SSTR2: variants seen among roughly 807,000 people sequenced by gnomAD.
SSTR2 encodes somatostatin receptor 2, also known as somatostatin receptor type 2.
A neutral mutation model predicts 21.4 loss-of-function variants in SSTR2; 10 were observed. That is an observed-to-expected ratio of 0.47 (90% CI 0.29 to 0.79). The LOEUF is 0.79. Ranked by LOEUF, SSTR2 falls within the 30% of genes least tolerant of loss-of-function variation. The probability of loss-of-function intolerance (pLI) is 0.10; values close to 1 mark genes in which losing one functional copy is unlikely to be tolerated. For synonymous variants in SSTR2, 177 were observed against 181.3 expected (o/e 0.98, Z 0.19); for missense variants, 364 against 468.8 (o/e 0.78, Z 2.06).
rs746122592 is a variant in SSTR2, at chr17:73,169,461, T to C, written c.142T>C (p.Phe48Leu). 6.2e-7 allele frequency: 1 copy of C among 1,614,228 alleles called. No individual in the cohort carries two copies. The highest frequency in any genetic ancestry group is 1.1e-5 in the South Asian group (1 of 91,080). The change falls in exon 2 of 2, where the codon TTC becomes CTC. Residue 48 changes from phenylalanine (F) to leucine (L), a missense_variant. By Grantham distance (22) the Phe-to-Leu change is conservative (BLOSUM62 0). Coordinates refer to ENST00000357585, the MANE Select transcript of SSTR2 (RefSeq NM_001050.3). The surrounding 1 kb of genome is among the most constrained non-coding windows in gnomAD (Gnocchi z 5.2). ...CCTGACAAGCAATGCAGTCCTCACA[T>C]TCATCTATTTTGTGGTCTGCATCAT... ...YDLTSNAVLT[F>L]IYFVVCIIGL...
chr17:73,167,416 G>A (rs979985222), intron 1 of SSTR2, among the ~76,000 whole-genome samples: 1 of 152,166 alleles, frequency 6.6e-6, no homozygotes, highest in Non-Finnish European at 1.5e-5. Flanking sequence ...AGTACTTGTT[G>A]CTGGCCAAGT....
chr17:73,165,730 G>C (rs2061213928), intron 1 of SSTR2, among the ~76,000 whole-genome samples: 2 of 151,820 alleles, frequency 1.3e-5, no homozygotes, highest in Non-Finnish European at 2.9e-5. Context: ...GAGCCTGCCA[G>C]AGGCAGGCGG....
rs767027407 is a variant in SSTR2, at chr17:73,172,440, C to T, written c.*2011C>T. 6.6e-6 allele frequency: 1 copy of T among 152,140 alleles called. No homozygotes were observed. Among genetic ancestry groups the T allele is most frequent in the Non-Finnish European group, 1.5e-5 (1 of 68,038 alleles). 9.4% of individuals were successfully genotyped at this position (152,140 alleles called of 1,614,324 possible). A position where few individuals can be genotyped will look rare whatever the true frequency, so the allele number is the denominator to read the frequency against. ...GGCTCCCTAAGCAAGCGCTGTTGGC[C>T]GGTGGGAGTGACTAAGTGCTCCACC... On this transcript the variant is annotated 3_prime_UTR_variant, in exon 2 of 2. Transcript: ENST00000357585.
Position 73,170,912 on chromosome 17 carries a change from G to T in SSTR2, c.*483G>T. 2.7e-6 allele frequency: 1 copy of T among 373,774 alleles called. No homozygotes were observed. The allele number at this position is 373,774 out of a possible 1,614,324, so 23.2% of individuals were successfully genotyped here. A position where few individuals can be genotyped will look rare whatever the true frequency, so the allele number is the denominator to read the frequency against. On this transcript the variant is annotated 3_prime_UTR_variant, in exon 2 of 2. Transcript: ENST00000357585. ...CATTTGCCACAACACACTGCCCGCA[G>T]AAATGGACTTACCGTGAAGCCAATA... is the stretch of plus-strand genomic sequence containing the variant.
rs747625490 is a variant in SSTR2, at chr17:73,168,705, T to G, written c.-92-523T>G. Among the ~76,000 whole-genome samples, 63 of 151,996 alleles carry G rather than the reference T, an allele frequency of 4.1e-4. 1 individual carries two copies. The highest frequency in any genetic ancestry group is 3.4e-3 in the Middle Eastern group (1 of 294). On this transcript the variant is annotated intron_variant, in intron 1 of 1. Coordinates refer to ENST00000357585, the MANE Select transcript of SSTR2 (RefSeq NM_001050.3). ...ACGCCCCCATGTGAAGAAATAAGAG[T>G]CAGAACCATTAAGGACCAGGCATGT...
chr17:73,168,855 T>C (rs2061224486), intron 1 of SSTR2, among the ~76,000 whole-genome samples: 1 of 152,128 alleles, frequency 6.6e-6, no homozygotes, highest in Non-Finnish European at 1.5e-5. Flanking sequence ...GATTTCCTGG[T>C]AGGGAAGAGG....
rs2061225660 is a variant in SSTR2 at position 73,169,210 on chromosome 17, TTCC to T, written c.-92-15_-92-13del. 7.4e-7 allele frequency: 1 copy of T among 1,350,908 alleles called. No homozygotes were observed. The highest frequency in any genetic ancestry group is 9.9e-7 in the Non-Finnish European group (1 of 1,013,956). 83.7% of individuals were successfully genotyped at this position (1,350,908 alleles called of 1,614,324 possible). A position where few individuals can be genotyped will look rare whatever the true frequency, so the allele number is the denominator to read the frequency against. On this transcript the variant is annotated splice_polypyrimidine_tract_variant and intron_variant, in intron 1 of 1. Transcript: ENST00000357585. This position sits in a 1 kb window ranked among gnomAD's most constrained non-coding sequence, Gnocchi z 5.2. Reference sequence around the variant, plus strand: ...ACAGCCTGTGACCGACGGGCCAATCTTCCTCTTTTCCTTCCAGATGTCACACTG... The same window carrying T: ...ACAGCCTGTGACCGACGGGCCAATCTTCTTTTCCTTCCAGATGTCACACTG...
At chr17:73,165,954 C>A (rs1175893737) in intron 1 of SSTR2, among the ~76,000 whole-genome samples, 2 of 148,006 alleles carry the variant, frequency 1.4e-5, no homozygotes, top group African/African-American at 2.5e-5. Flanking sequence ...CCCCCCCCCA[C>A]ACCCGGCACC....
At chr17:73,166,661 A>G (rs1370576435) in intron 1 of SSTR2, among the ~76,000 whole-genome samples, 1 of 152,198 alleles carries the variant, frequency 6.6e-6, no homozygotes, top group East Asian at 1.9e-4. Context: ...TCTTTCTCTG[A>G]AACAAAAATG....
chr17:73,168,314 G>A (rs529356188), intron 1 of SSTR2, among the ~76,000 whole-genome samples: 6 of 152,300 alleles, frequency 3.9e-5, no homozygotes, highest in African/African-American at 9.6e-5. Flanking sequence ...CCTGCTTCCC[G>A]TTTTTGTCCG....
Position 73,175,950 on chromosome 17 carries a change from A to G in SSTR2, c.*5521A>G, listed in dbSNP as rs1227407895. 6.6e-6 allele frequency: 1 copy of G among 152,170 alleles called. No individual in the cohort carries two copies. The highest frequency in any genetic ancestry group is 1.5e-5 in the Non-Finnish European group (1 of 68,094). The allele number at this position is 152,170 out of a possible 1,614,324, so 9.4% of individuals were successfully genotyped here. On this transcript the variant is annotated 3_prime_UTR_variant, in exon 2 of 2. Transcript: ENST00000357585. ...AGACAGAAAGGGAAGCCCAGGATGA[A>G]CCCAGTCCTAAGGGCTGCTGGGGGC...
Position 73,169,882 on chromosome 17 carries a change from G to T in SSTR2, c.563G>T (p.Trp188Leu). 1.9e-6 allele frequency: 3 copies of T among 1,611,912 alleles called. No homozygotes were observed. The highest frequency in any genetic ancestry group is 2.5e-6 in the Non-Finnish European group (3 of 1,178,260). ...TATGCTGGGCTCCGGAGCAACCAGT[G>T]GGGGAGAAGCAGCTGCACCATCAAC... Reference protein sequence around the residue: ...MIYAGLRSNQWGRSSCTINWP... With the variant: ...MIYAGLRSNQLGRSSCTINWP... Residue 188 changes from tryptophan to leucine, a missense_variant, in exon 2 of 2, where the codon TGG (tryptophan) becomes TTG (leucine). Coordinates refer to ENST00000357585, the MANE Select transcript of SSTR2 (RefSeq NM_001050.3). This position sits in a 1 kb window ranked among gnomAD's most constrained non-coding sequence, Gnocchi z 5.2.
rs2061241329 is a variant in SSTR2, at chr17:73,173,533, G to A, written c.*3104G>A. ...AGAGAATCAACATGCTAATTTAAAG[G>A]TTAACATCATTTTAATTCAAAAATT... is the stretch of plus-strand genomic sequence containing the variant. On this transcript the variant is annotated 3_prime_UTR_variant, in exon 2 of 2. Transcript: ENST00000357585. 1 of 152,168 alleles carries A rather than the reference G, an allele frequency of 6.6e-6. No individual in the cohort carries two copies. The highest frequency in any genetic ancestry group is 1.5e-5 in the Non-Finnish European group (1 of 68,030). 9.4% of individuals were successfully genotyped at this position (152,168 alleles called of 1,614,324 possible). A position where few individuals can be genotyped will look rare whatever the true frequency, so the allele number is the denominator to read the frequency against.
chr17:73,165,333 T>A (rs138511001), intron 1 of SSTR2, 45 bp downstream of exon 1: 4,992 of 147,440 alleles, frequency 0.034, 126 homozygotes, highest in East Asian at 0.098. Context: ...TGTGTGTGTG[T>A]GTGATAAGAG....
Position 73,169,429 on chromosome 17 carries a change from A to C in SSTR2, c.110A>C (p.Tyr37Ser). 1 of 1,614,274 alleles carries C rather than the reference A, an allele frequency of 6.2e-7. No homozygotes were observed. The highest frequency in any genetic ancestry group is 8.5e-7 in the Non-Finnish European group (1 of 1,180,048). ...AACACCTCAAACCAGACAGAGCCGT[A>C]CTATGACCTGACAAGCAATGCAGTC... Reference protein sequence around the residue: ...STNTSNQTEPYYDLTSNAVLT... With the variant: ...STNTSNQTEPSYDLTSNAVLT... Residue 37 changes from tyrosine (Y) to serine (S), a missense_variant, in exon 2 of 2, where the codon TAC becomes TCC. This residue lies in a region of SSTR2 where 75 missense variants were observed against 75.4 expected (regional missense o/e 0.99). Coordinates refer to ENST00000357585, the MANE Select transcript of SSTR2 (RefSeq NM_001050.3). The surrounding 1 kb of genome is among the most constrained non-coding windows in gnomAD (Gnocchi z 5.2).
intron 1 of SSTR2, among the ~76,000 whole-genome samples, chr17:73,166,076 G>A (rs1157477880): frequency 6.6e-6 from 1 of 152,200 alleles, no homozygotes; most frequent in African/African-American, 2.4e-5. Context: ...GAGGATCAGC[G>A]AGTTGGATGG....
intron 1 of SSTR2, among the ~76,000 whole-genome samples, chr17:73,166,526 A>T (rs2061217073): frequency 1.3e-5 from 2 of 152,176 alleles, no homozygotes; most frequent in Admixed American, 1.3e-4. Flanking sequence ...GAAACCAACC[A>T]CTAGCCATTT....
At position 73,173,428 on chromosome 17, in the gene SSTR2, C is replaced by T. The variant is rs1331868488; in HGVS notation, c.*2999C>T. On this transcript the variant is annotated 3_prime_UTR_variant, in exon 2 of 2. Coordinates refer to ENST00000357585, the MANE Select transcript of SSTR2 (RefSeq NM_001050.3). ...ATCCAAATACACAGTTAGGTTTCTA[C>T]CATAGGGAAAGCTATTCTCTACTTT... The T allele has an allele frequency of 6.6e-6, 1 of 152,248 alleles. No homozygotes were observed. The highest frequency in any genetic ancestry group is 2.4e-5 in the African/African-American group (1 of 41,542). 9.4% of individuals were successfully genotyped at this position (152,248 alleles called of 1,614,324 possible). A position where few individuals can be genotyped will look rare whatever the true frequency, so the allele number is the denominator to read the frequency against.
rs549169964 is a variant in SSTR2, at chr17:73,176,381, G to A, written c.*5952G>A. ...GCTCCCATAATCCCCAGGTGTTGTG[G>A]GAGGGACCCAGTGGGAGGTAATTGA... On this transcript the variant is annotated 3_prime_UTR_variant, in exon 2 of 2. Transcript: ENST00000357585. 1 of 152,262 alleles carries A rather than the reference G, an allele frequency of 6.6e-6. No individual in the cohort carries two copies. The highest frequency in any genetic ancestry group is 2.1e-4 in the South Asian group (1 of 4,824). The allele number at this position is 152,262 out of a possible 1,614,324, so 9.4% of individuals were successfully genotyped here. A position where few individuals can be genotyped will look rare whatever the true frequency, so the allele number is the denominator to read the frequency against.
Sources: gnomAD v4.1 joint callset for allele counts (sites outside exome capture counted in the v4.1 genomes callset) on GRCh38, gnomAD v4.1.1 for gene constraint, gnomAD v4.1.1 regional missense constraint, Gnocchi (gnomAD v3.1) non-coding constraint, MANE v1.5 for transcripts, NCBI Gene and HGNC (gene_info 2026-07-23, HGNC 2026-07-21) for gene names.